RNLS: variants seen among roughly 807,000 people sequenced by gnomAD.
RNLS encodes the protein renalase.
In RNLS, 39 loss-of-function variants were observed where a neutral mutation model predicts 39.8. The ratio of observed to expected loss-of-function variants is 0.98; its 90% CI spans 0.76 to 1.28. The LOEUF is 1.28. Among genes scored for constraint, RNLS ranks in the 50% most tolerant of loss-of-function variants. The pLI, the probability that RNLS is intolerant of heterozygous loss-of-function variation, is 0.00. For missense variants in RNLS, 410 were observed against 413.3 expected, an observed-to-expected ratio of 0.99 and a Z score of 0.07; for synonymous variants, 147 against 150.7, an observed-to-expected ratio of 0.98 and a Z score of 0.18.
intron 4 of RNLS, among the ~76,000 whole-genome samples, chr10:88,541,679 A>C (rs1848050403): frequency 6.6e-6 from 1 of 152,158 alleles, no homozygotes; most frequent in Admixed American, 6.6e-5. Flanking sequence ...AAGACAGTTG[A>C]CTCTACCAAT....
intron 4 of RNLS, among the ~76,000 whole-genome samples, chr10:88,401,074 T>C (rs963527301): frequency 8.6e-5 from 13 of 151,922 alleles, no homozygotes; most frequent in Admixed American, 7.9e-4. Context: ...TTCTCCCAAT[T>C]TCCCCCCTAC....
chr10:88,353,622 T>G (rs1848908209), intron 5 of RNLS, among the ~76,000 whole-genome samples: 2 of 152,248 alleles, frequency 1.3e-5, no homozygotes, highest in African/African-American at 4.8e-5. Flanking sequence ...AGGAGTGCTT[T>G]ACTTCCAACT....
intron 5 of RNLS, among the ~76,000 whole-genome samples, chr10:88,325,933 C>CTTCGCTCCTCACTCT (rs1846566161): frequency 6.6e-6 from 1 of 152,186 alleles, no homozygotes; most frequent in Non-Finnish European, 1.5e-5. Context: ...GTTCTCCCCA[C>CTTCGCTCCTCACTCT]TTCGCTCCTC....
intron 6 of RNLS, among the ~76,000 whole-genome samples, chr10:88,294,846 T>C (rs1012465109): frequency 6.6e-6 from 1 of 152,200 alleles, no homozygotes; most frequent in African/African-American, 2.4e-5. Flanking sequence ...AGTGTTCAAA[T>C]GTTCTCTAAG....
the RNLS span, among the ~76,000 whole-genome samples, chr10:88,226,356 T>C: frequency 6.6e-6 from 1 of 152,186 alleles, no homozygotes; most frequent in African/African-American, 2.4e-5. Flanking sequence ...CAACTAGCCA[T>C]ATGCCTCTGG....
At chr10:88,421,578 A>ACCTG (rs1854412964) in intron 4 of RNLS, among the ~76,000 whole-genome samples, 1 of 152,028 alleles carries the variant, frequency 6.6e-6, no homozygotes, top group Non-Finnish European at 1.5e-5. Flanking sequence ...TAATTAGATC[A>ACCTG]CCTGCCTCTA....
the RNLS span, among the ~76,000 whole-genome samples, chr10:88,176,879 GT>G: frequency 6.6e-6 from 1 of 152,142 alleles, no homozygotes; most frequent in Admixed American, 6.5e-5. Context: ...TAGTAGTCTT[GT>G]TTTACAGTGT....
intron 4 of RNLS, among the ~76,000 whole-genome samples, chr10:88,370,234 A>G (rs1393178184): frequency 6.6e-6 from 1 of 152,166 alleles, no homozygotes; most frequent in African/African-American, 2.4e-5. Context: ...TAAATAAGGT[A>G]CTGCTTTCAG....
chr10:88,444,570 T>G (rs148225109), intron 4 of RNLS, among the ~76,000 whole-genome samples: 2,741 of 151,936 alleles, frequency 0.018, 52 homozygotes, highest in East Asian at 0.069. Flanking sequence ...CTAAAAACCT[T>G]GAAAAAAAAT....
intron 4 of RNLS, among the ~76,000 whole-genome samples, chr10:88,386,463 A>G (rs1851861854): frequency 6.6e-6 from 1 of 152,230 alleles, no homozygotes; most frequent in Non-Finnish European, 1.5e-5. Context: ...TTCTCTGGTC[A>G]TTTTAAACTG....
intron 4 of RNLS, among the ~76,000 whole-genome samples, chr10:88,550,497 TAGAGAA>T (rs1848555692): frequency 6.6e-6 from 1 of 152,166 alleles, no homozygotes. Flanking sequence ...GTGGTAGAGA[TAGAGAA>T]AGACTCAAGA....
intron 4 of RNLS, among the ~76,000 whole-genome samples, chr10:88,373,116 A>T (rs1306825102): frequency 6.6e-6 from 1 of 152,152 alleles, no homozygotes; most frequent in African/African-American, 2.4e-5. Context: ...AAAATCCATA[A>T]CAATAAAAAC....
At chr10:88,308,912 A>G (rs752432419) in intron 6 of RNLS, among the ~76,000 whole-genome samples, 50 of 152,216 alleles carry the variant, frequency 3.3e-4, no homozygotes, top group Non-Finnish European at 7.3e-5. Flanking sequence ...AATGTGATAC[A>G]TCTACACCAT....
At chr10:88,189,671 G>C in the RNLS span, among the ~76,000 whole-genome samples, 8 of 152,238 alleles carry the variant, frequency 5.3e-5, no homozygotes, top group Non-Finnish European at 8.8e-5. Flanking sequence ...CAGTCAATAA[G>C]TATTTGCTAA....
chr10:88,386,292 A>G (rs1851851313), intron 4 of RNLS, among the ~76,000 whole-genome samples: 1 of 152,190 alleles, frequency 6.6e-6, no homozygotes, highest in Admixed American at 6.5e-5. Flanking sequence ...CTGTGCCATT[A>G]GAGAGTATTT....
At chr10:88,356,204 G>A (rs890142068) in intron 5 of RNLS, among the ~76,000 whole-genome samples, 6 of 152,246 alleles carry the variant, frequency 3.9e-5, no homozygotes, top group South Asian at 2.1e-4. Flanking sequence ...GCTCATGCTC[G>A]GTGTCCTGCA....
the RNLS span, among the ~76,000 whole-genome samples, chr10:88,235,743 TAGAC>T: frequency 1.3e-5 from 2 of 152,220 alleles, no homozygotes; most frequent in Non-Finnish European, 2.9e-5. Flanking sequence ...GACAAATATA[TAGAC>T]AATTACTTTT....
chr10:88,390,662 G>C (rs944718298), intron 4 of RNLS, among the ~76,000 whole-genome samples: 2 of 152,174 alleles, frequency 1.3e-5, no homozygotes, highest in African/African-American at 2.4e-5. Flanking sequence ...TTCTAAAGCA[G>C]TGGCTCTCAG....
the RNLS span, among the ~76,000 whole-genome samples, chr10:88,218,827 C>T: frequency 1.3e-5 from 2 of 152,174 alleles, no homozygotes; most frequent in East Asian, 3.8e-4. Flanking sequence ...ACTTTCATCT[C>T]AGACAGGCCC....
Sources: allele counts gnomAD v4.1 joint callset (sites outside exome capture counted in the v4.1 genomes callset), GRCh38; gene constraint gnomAD v4.1.1; transcripts MANE v1.5; gene names NCBI Gene and HGNC (gene_info 2026-07-23, HGNC 2026-07-21).